C1orf105: variants seen among roughly 807,000 people sequenced by gnomAD.
C1orf105 encodes uncharacterized protein C1orf105.
A neutral mutation model predicts 20.8 loss-of-function variants in C1orf105; 17 were observed. That is an observed-to-expected ratio of 0.82 (90% CI 0.56 to 1.23). The LOEUF (loss-of-function observed/expected upper bound fraction) is 1.23. Among genes scored for constraint, C1orf105 ranks in the 50% most tolerant of loss-of-function variants. The pLI is 0.00. For synonymous variants in C1orf105, 72 were observed against 72.1 expected, an observed-to-expected ratio of 1.00 and a Z score of 0.01; for missense variants, 219 against 213.5, an observed-to-expected ratio of 1.03 and a Z score of -0.16.
intron 2 of C1orf105, 63 bp from the exon 3 acceptor site, chr1:172,448,378 C>G: frequency 1.8e-6 from 2 of 1,135,514 alleles, no homozygotes; most frequent in Non-Finnish European, 2.6e-6. Flanking sequence ...CAGAAACAAC[C>G]AAGGGCCTGG....
intron 1 of C1orf105, among the ~76,000 whole-genome samples, chr1:172,432,413 G>GTTTGCTGTTCTGCAATA (rs1162119432): frequency 6.6e-6 from 1 of 152,188 alleles, no homozygotes; most frequent in East Asian, 1.9e-4. Context: ...AGGCAGCAAT[G>GTTTGCTGTTCTGCAATA]TTTGCTGTTC....
At chr1:172,443,874 T>G in intron 1 of C1orf105, 3 of 804,900 alleles carry the variant, frequency 3.7e-6, no homozygotes, top group Non-Finnish European at 4.6e-6. Flanking sequence ...CCATTTGGCT[T>G]TTTGGGTGGG....
At chr1:172,457,857 C>T (rs890638472) in intron 4 of C1orf105, among the ~76,000 whole-genome samples, 12 of 152,210 alleles carry the variant, frequency 7.9e-5, no homozygotes, top group Non-Finnish European at 1.5e-4. Flanking sequence ...AGGGACCCTT[C>T]TGTACTGCTG....
intron 1 of C1orf105, chr1:172,431,025 T>C (rs2071859006): frequency 1.8e-5 from 11 of 620,702 alleles, no homozygotes; most frequent in Non-Finnish European, 2.6e-5. Context: ...ACTGACCAGC[T>C]CTTCCCTGTC....
At chr1:172,432,655 G>A (rs1381417275) in intron 1 of C1orf105, among the ~76,000 whole-genome samples, 1 of 152,196 alleles carries the variant, frequency 6.6e-6, no homozygotes, top group African/African-American at 2.4e-5. Flanking sequence ...CACAAAGATG[G>A]GGAGAAACCA....
chr1:172,433,643 G>A (rs1029280729), intron 1 of C1orf105, among the ~76,000 whole-genome samples: 17 of 152,252 alleles, frequency 1.1e-4, no homozygotes, highest in South Asian at 2.1e-4. Flanking sequence ...CAGCCACTGC[G>A]AAAATATGCC....
chr1:172,442,202 T>C, intron 1 of C1orf105: 1 of 1,614,008 alleles, frequency 6.2e-7, no homozygotes, highest in Non-Finnish European at 8.5e-7. Flanking sequence ...ACAGACTCTG[T>C]AAGGGTCTTC....
chr1:172,465,107 C>T (rs9425620), intron 5 of C1orf105, among the ~76,000 whole-genome samples, 192 bp from the exon 6 acceptor site: 118,391 of 151,882 alleles, frequency 0.78, 46,447 homozygotes, highest in East Asian at 1. Flanking sequence ...CACTTGAACC[C>T]GGGAGGCAGA....
At chr1:172,425,418 C>T (rs2071697774) in intron 1 of C1orf105, among the ~76,000 whole-genome samples, 1 of 152,146 alleles carries the variant, frequency 6.6e-6, no homozygotes, top group Non-Finnish European at 1.5e-5. Context: ...CGTCAAGTTA[C>T]ACCAACATTG....
chr1:172,467,532 C>T (rs1650150151), intron 6 of C1orf105, among the ~76,000 whole-genome samples: 1 of 152,120 alleles, frequency 6.6e-6, no homozygotes, highest in Non-Finnish European at 1.5e-5. Context: ...AGGGGCCTAC[C>T]ACCTGGCATG....
intron 1 of C1orf105, among the ~76,000 whole-genome samples, chr1:172,432,068 G>A (rs2071891028): frequency 6.6e-6 from 1 of 152,182 alleles, no homozygotes; most frequent in South Asian, 2.1e-4. Context: ...GGCTTGAGTA[G>A]GTAAACAAAG....
chr1:172,435,390 A>G (rs1208972528), intron 1 of C1orf105, among the ~76,000 whole-genome samples: 2 of 152,202 alleles, frequency 1.3e-5, no homozygotes, highest in Non-Finnish European at 2.9e-5. Flanking sequence ...CAAAAAGCTT[A>G]TCCACCACGA....
chr1:172,442,628 T>C (rs13932), intron 1 of C1orf105: 355,918 of 1,598,662 alleles, frequency 0.22, 41,948 homozygotes, highest in East Asian at 0.35. Context: ...TACATTATCC[T>C]TTCATTCAAA....
intron 1 of C1orf105, among the ~76,000 whole-genome samples, chr1:172,431,864 G>A (rs940210689): frequency 3.3e-5 from 5 of 152,228 alleles, no homozygotes; most frequent in African/African-American, 1.2e-4. Flanking sequence ...ACTGCACCTG[G>A]AAAAACAGGA....
intron 1 of C1orf105, chr1:172,442,723 A>G (rs1647463915): frequency 3.0e-6 from 3 of 1,003,384 alleles, no homozygotes. Flanking sequence ...CTCCCTGGAA[A>G]TTCCATGCTG....
chr1:172,459,102 A>G (rs1649513502), intron 4 of C1orf105, among the ~76,000 whole-genome samples: 1 of 152,182 alleles, frequency 6.6e-6, no homozygotes, highest in Non-Finnish European at 1.5e-5. Flanking sequence ...AGAAGAAAAC[A>G]TAGGTATAAA....
intron 5 of C1orf105, among the ~76,000 whole-genome samples, chr1:172,463,048 A>T (rs2149193076): frequency 6.6e-6 from 1 of 152,230 alleles, no homozygotes; most frequent in East Asian, 1.9e-4. Context: ...AATTGCTGTG[A>T]TTACAGGTGT....
intron 4 of C1orf105, among the ~76,000 whole-genome samples, chr1:172,459,738 A>C (rs545176290): frequency 1.3e-5 from 2 of 152,306 alleles, no homozygotes; most frequent in African/African-American, 4.8e-5. Context: ...ATTCACACAC[A>C]AAATTCTACA....
intron 1 of C1orf105, among the ~76,000 whole-genome samples, chr1:172,425,963 T>G (rs919770224): frequency 4.0e-5 from 6 of 151,816 alleles, no homozygotes; most frequent in African/African-American, 1.5e-4. Flanking sequence ...TCCCAGCCTG[T>G]GTCAATCATC....
Sources: allele counts gnomAD v4.1 joint callset (sites outside exome capture counted in the v4.1 genomes callset), GRCh38; gene constraint gnomAD v4.1.1; transcripts MANE v1.5; gene names NCBI Gene and HGNC (gene_info 2026-07-23, HGNC 2026-07-21).